The following NPAS3 variants were observed in gnomAD, a reference collection of about 807,000 sequenced individuals.
NPAS3 encodes neuronal PAS domain protein 3.
NPAS3 carries 14 observed loss-of-function variants against 73.1 expected under a neutral mutation model. The observed-to-expected ratio is 0.19, with a 90% CI of 0.13 to 0.30. The LOEUF (loss-of-function observed/expected upper bound fraction) is 0.30. NPAS3 is among the 10% of genes least tolerant of loss of function. NPAS3 has a pLI of 1.00. For missense variants in NPAS3, 1,096 were observed against 1,250.0 expected, an observed-to-expected ratio of 0.88 and a Z score of 1.86; for synonymous variants, 620 against 541.5, an observed-to-expected ratio of 1.14 and a Z score of -2.01.
chr14:33,038,443 T>C (rs147653555), intron 1 of NPAS3, among the ~76,000 whole-genome samples: 15 of 152,204 alleles, frequency 9.9e-5, no homozygotes, highest in African/African-American at 3.6e-4. Flanking sequence ...AAAAAACAAA[T>C]ATTTCTAAAA....
intron 2 of NPAS3, among the ~76,000 whole-genome samples, chr14:33,171,557 C>A (rs893255986): frequency 6.6e-6 from 1 of 152,218 alleles, no homozygotes; most frequent in Non-Finnish European, 1.5e-5. Context: ...TCACCTCTGT[C>A]AGCCTTCATA....
chr14:33,399,646 T>C, intron 4 of NPAS3, among the ~76,000 whole-genome samples: 1 of 141,354 alleles, frequency 7.1e-6, no homozygotes, highest in Non-Finnish European at 1.5e-5. Flanking sequence ...TGATTAGTTG[T>C]AGATGAAGCT....
intron 4 of NPAS3, among the ~76,000 whole-genome samples, chr14:33,422,169 C>T (rs1430534447): frequency 6.6e-6 from 1 of 151,916 alleles, no homozygotes; most frequent in Non-Finnish European, 1.5e-5. Flanking sequence ...TATGACATTT[C>T]ACACATTGTC....
At chr14:33,061,581 T>C (rs1339102457) in intron 2 of NPAS3, among the ~76,000 whole-genome samples, 1 of 152,192 alleles carries the variant, frequency 6.6e-6, no homozygotes, top group African/African-American at 2.4e-5. Flanking sequence ...TGAAGTAGCA[T>C]ATGTTGGTAA....
In NPAS3 at chr14:33,455,028, A is replaced by G. The variant is rs532944678; in HGVS notation, c.468+87760A>G. Among the ~76,000 whole-genome samples the G allele has an allele frequency of 1.6e-4, 25 of 152,354 alleles. 1 individual carries two copies. The South Asian group carries it at 5.0e-3, about 30-fold the overall frequency. On this transcript the variant is annotated intron_variant, in intron 4 of 11. Coordinates refer to ENST00000356141, the Ensembl canonical transcript of NPAS3. The stretch of plus-strand genomic sequence containing the variant: ...CAGGCAAGGGGCCACCAGGCAAGAC[A>G]AAAGAGATAAACATTTTGTGTGCAT...
At position 33,500,125 on chromosome 14, in the gene NPAS3, A is replaced by G. The variant is rs577950544; in HGVS notation, c.469-59996A>G. Among the ~76,000 whole-genome samples, 254 of 152,038 alleles carry G rather than the reference A, an allele frequency of 1.7e-3. 1 individual carries two copies. The highest frequency in any genetic ancestry group is 5.9e-3 in the African/African-American group (245 of 41,520). ...GGGAGTTTGAGGAAGGCACCTAACC[A>G]TTTGGTGTCCAGCAATCACTGAGCC... On this transcript the variant is annotated intron_variant, in intron 4 of 11. Transcript: ENST00000356141.
At chr14:33,439,191 GTATT>G (rs1333966834) in intron 4 of NPAS3, among the ~76,000 whole-genome samples, 1 of 152,138 alleles carries the variant, frequency 6.6e-6, no homozygotes, top group Non-Finnish European at 1.5e-5. Context: ...TTTATAGGCA[GTATT>G]TATTCTACAT....
chr14:32,975,898 A>T lies in NPAS3; in HGVS notation c.50+36532A>T, dbSNP rs376951928. Among the ~76,000 whole-genome samples the T allele has an allele frequency of 1.7e-3, 230 of 134,188 alleles. 2 individuals carry two copies. Among genetic ancestry groups the T allele is most frequent in the African/African-American group, 6.5e-3 (220 of 33,702 alleles). The allele number at this position is 134,188 out of a possible 152,430, so 88.0% of individuals were successfully genotyped here. ...GTGTGTGTGTGTGTGTGTGTGTGTG[A>T]GAGAGAGAGAGTTTGCAGACACGCA... On this transcript the variant is annotated intron_variant, in intron 1 of 11. Transcript: ENST00000356141.
chr14:33,417,971 C>T (rs1487129630), intron 4 of NPAS3, among the ~76,000 whole-genome samples: 1 of 151,942 alleles, frequency 6.6e-6, no homozygotes, highest in Non-Finnish European at 1.5e-5. Flanking sequence ...GAATTGCACA[C>T]ACGCTCATTG....
At chr14:33,772,925 G>A (rs2062699796) in intron 7 of NPAS3, among the ~76,000 whole-genome samples, 1 of 152,182 alleles carries the variant, frequency 6.6e-6, no homozygotes, top group South Asian at 2.1e-4. Flanking sequence ...CCTTATTGGT[G>A]CTTCCAGATC....
At chr14:33,046,672 G>A (rs1027768240) in intron 1 of NPAS3, among the ~76,000 whole-genome samples, 4 of 152,134 alleles carry the variant, frequency 2.6e-5, no homozygotes, top group African/African-American at 9.6e-5. Flanking sequence ...ACTTCCAGCA[G>A]GGTATATAAG....
chr14:33,355,369 C>T (rs56232971), intron 3 of NPAS3, among the ~76,000 whole-genome samples: 14,186 of 152,106 alleles, frequency 0.093, 808 homozygotes, highest in East Asian at 0.16. Flanking sequence ...GGCGAGATCT[C>T]GGCTCACTGC....
intron 2 of NPAS3, among the ~76,000 whole-genome samples, chr14:33,103,085 A>T (rs901468539): frequency 5.3e-5 from 8 of 152,212 alleles, no homozygotes; most frequent in African/African-American, 1.9e-4. Flanking sequence ...AAAAGTATAC[A>T]TACCAATACC....
intron 2 of NPAS3, among the ~76,000 whole-genome samples, chr14:33,162,294 T>G (rs2044922667): frequency 6.6e-6 from 1 of 152,200 alleles, no homozygotes; most frequent in Non-Finnish European, 1.5e-5. Flanking sequence ...TTTTTCAATC[T>G]TATTTTATCT....
At chr14:33,536,448 A>G (rs985799006) in intron 4 of NPAS3, among the ~76,000 whole-genome samples, 5 of 152,188 alleles carry the variant, frequency 3.3e-5, no homozygotes, top group African/African-American at 9.7e-5. Flanking sequence ...TTTTTTCCCA[A>G]TGAAATGCAG....
At chr14:33,369,690 C>G (rs1240651591) in intron 4 of NPAS3, among the ~76,000 whole-genome samples, 2 of 152,078 alleles carry the variant, frequency 1.3e-5, no homozygotes, top group Non-Finnish European at 2.9e-5. Context: ...TTGATTTTAG[C>G]ACTAATGGTT....
In NPAS3 at chr14:33,618,131, A is replaced by T. The variant is rs957780799; in HGVS notation, c.558+57921A>T. On this transcript the variant is annotated intron_variant, in intron 5 of 11. Coordinates refer to ENST00000356141, the Ensembl canonical transcript of NPAS3. ...AGAGGTATCAAATCTTGTTCTGTAC[A>T]TGTTTCAGGACAGTGGTCCCCAACC... 3.9e-5 allele frequency among the ~76,000 whole-genome samples: 6 copies of T among 152,262 alleles called. 1 individual carries two copies. In the East Asian group the frequency reaches 1.2e-3, roughly 29 times the overall value.
rs373758704 is a variant in NPAS3 at position 33,069,762 on chromosome 14, G to GA, written c.140+13774dup. On this transcript the variant is annotated intron_variant, in intron 2 of 11. Coordinates refer to ENST00000356141, the Ensembl canonical transcript of NPAS3. ...CTAACTCAAAAAAGTTAGTGCTGTG[G>GA]AAAAAATAGCTAAAAGAGGATTTAA... 3.9e-3 allele frequency among the ~76,000 whole-genome samples: 590 copies of GA among 152,246 alleles called. 6 individuals are homozygous for GA. Among genetic ancestry groups the GA allele is most frequent in the African/African-American group, 0.014 (565 of 41,554 alleles).
intron 5 of NPAS3, among the ~76,000 whole-genome samples, chr14:33,639,065 C>T (rs1414653266): frequency 6.6e-6 from 1 of 152,150 alleles, no homozygotes. Flanking sequence ...GTTAATACAC[C>T]AAAGCCTTGG....
Sources: allele counts gnomAD v4.1 joint callset (sites outside exome capture counted in the v4.1 genomes callset), GRCh38; gene constraint gnomAD v4.1.1; transcripts MANE v1.5; gene names NCBI Gene and HGNC (gene_info 2026-07-23, HGNC 2026-07-21).